SNX18: variants seen among roughly 807,000 people sequenced by gnomAD.
SNX18 encodes the protein sorting nexin-18.
In SNX18, 35 loss-of-function variants were observed where a neutral mutation model predicts 48.7. That is an observed-to-expected ratio of 0.72 (90% CI 0.55 to 0.95). The LOEUF is 0.95. Among genes scored for constraint, SNX18 ranks in the 40% least tolerant of loss-of-function variants. The pLI, the probability that SNX18 is intolerant of heterozygous loss-of-function variation, is 0.00. For synonymous variants in SNX18, 492 were observed against 384.7 expected (o/e 1.28, Z -3.26); for missense variants, 824 against 871.0 (o/e 0.95, Z 0.68).
At chr5:54,543,078 G>A in intron 1 of SNX18, 101 bp from the exon 2 acceptor site, 8 of 1,144,488 alleles carry the variant, frequency 7.0e-6, no homozygotes, top group Non-Finnish European at 9.6e-6. Flanking sequence ...AAATAGTTTG[G>A]GCAACTATTT....
At chr5:54,623,009 T>C in the SNX18 span, among the ~76,000 whole-genome samples, 1 of 152,236 alleles carries the variant, frequency 6.6e-6, no homozygotes, top group Admixed American at 6.5e-5. Flanking sequence ...ATTTCTTGAG[T>C]GTTCTTTCAT....
chr5:54,545,741 A>G lies in SNX18; in HGVS notation c.*2309A>G, dbSNP rs533417093. 7 of 152,314 alleles carry G rather than the reference A, an allele frequency of 4.6e-5. No individual in the cohort carries two copies. The highest frequency in any genetic ancestry group is 9.6e-5 in the African/African-American group (4 of 41,564). The allele number at this position is 152,314 out of a possible 1,614,324, so 9.4% of individuals were successfully genotyped here. The stretch of plus-strand genomic sequence containing the variant: ...TTTATTCTCTAACGTTCTTGGTCCT[A>G]TTGAAACATTGCAGTATGCAAAACT... On this transcript the variant is annotated 3_prime_UTR_variant, in exon 2 of 2. Transcript: ENST00000381410.
At chr5:54,596,240 A>G in the SNX18 span, among the ~76,000 whole-genome samples, 1 of 85,338 alleles carries the variant, frequency 1.2e-5, no homozygotes, top group African/African-American at 4.0e-5. Context: ...TTATGATGTT[A>G]TTTGAAAAAG....
chr5:54,521,237 C>A (rs564115155), intron 1 of SNX18, among the ~76,000 whole-genome samples: 2 of 152,308 alleles, frequency 1.3e-5, no homozygotes, highest in East Asian at 3.9e-4. Context: ...GACATGTGTG[C>A]TGGGCCGCTG....
At chr5:54,568,267 A>G in the SNX18 span, among the ~76,000 whole-genome samples, 2 of 152,202 alleles carry the variant, frequency 1.3e-5, no homozygotes, top group African/African-American at 2.4e-5. Flanking sequence ...CTCTGAAGGA[A>G]AAGGATGTGC....
chr5:54,646,625 C>CAT, the SNX18 span, among the ~76,000 whole-genome samples: 290 of 152,376 alleles, frequency 1.9e-3, 1 homozygote, highest in African/African-American at 6.6e-3. Flanking sequence ...AGGCCTCCCT[C>CAT]ATATTGCAAT....
At chr5:54,633,449 C>T in the SNX18 span, among the ~76,000 whole-genome samples, 1 of 152,092 alleles carries the variant, frequency 6.6e-6, no homozygotes, top group African/African-American at 2.4e-5. Context: ...TAAAAGTGTG[C>T]CTGGTTCTGT....
chr5:54,635,672 G>A, the SNX18 span, among the ~76,000 whole-genome samples: 2 of 152,228 alleles, frequency 1.3e-5, no homozygotes, highest in Non-Finnish European at 2.9e-5. Flanking sequence ...GGTCTCAGCA[G>A]AGATCTTTCA....
At chr5:54,547,657 G>A (rs577062875), downstream of SNX18, among the ~76,000 whole-genome samples, 4 of 152,310 alleles carry the variant, frequency 2.6e-5, no homozygotes, top group Admixed American at 1.3e-4. Context: ...GCAGTCTTAC[G>A]TAGACTGGGA....
At chr5:54,579,951 G>A in the SNX18 span, among the ~76,000 whole-genome samples, 34 of 152,132 alleles carry the variant, frequency 2.2e-4, no homozygotes, top group African/African-American at 8.0e-4. Context: ...TGCAATGTAT[G>A]TTTTTGCATT....
chr5:54,535,789 C>CA (rs1165779194), intron 1 of SNX18, among the ~76,000 whole-genome samples: 3 of 152,116 alleles, frequency 2.0e-5, no homozygotes, highest in Non-Finnish European at 4.4e-5. Flanking sequence ...TTATTAAAAA[C>CA]AAAAATTTGA....
At chr5:54,611,328 A>G in the SNX18 span, among the ~76,000 whole-genome samples, 1 of 152,024 alleles carries the variant, frequency 6.6e-6, no homozygotes, top group African/African-American at 2.4e-5. Flanking sequence ...CATGCCCAAG[A>G]TGGTCCTTTC....
the SNX18 span, among the ~76,000 whole-genome samples, chr5:54,635,525 C>T: frequency 1.3e-5 from 2 of 152,094 alleles, no homozygotes; most frequent in African/African-American, 2.4e-5. Context: ...TTTCTTCTTG[C>T]TGTTTGCCTT....
At chr5:54,542,246 G>T (rs1762485227) in intron 1 of SNX18, among the ~76,000 whole-genome samples, 1 of 152,158 alleles carries the variant, frequency 6.6e-6, no homozygotes, top group Admixed American at 6.5e-5. Flanking sequence ...GCTTTCGGGG[G>T]AGGGCCTGCG....
At chr5:54,570,703 C>T in the SNX18 span, among the ~76,000 whole-genome samples, 1 of 152,132 alleles carries the variant, frequency 6.6e-6, no homozygotes, top group Non-Finnish European at 1.5e-5. Context: ...AGTATCAGAA[C>T]ATACAAAGAC....
the SNX18 span, among the ~76,000 whole-genome samples, chr5:54,620,993 A>C: frequency 6.6e-6 from 1 of 152,216 alleles, no homozygotes; most frequent in East Asian, 1.9e-4. Flanking sequence ...ATTAGGGGTT[A>C]GGAAGGGGAA....
At chr5:54,527,089 A>G (rs1371175986) in intron 1 of SNX18, among the ~76,000 whole-genome samples, 2 of 152,106 alleles carry the variant, frequency 1.3e-5, no homozygotes, top group African/African-American at 4.8e-5. Flanking sequence ...GGTCATGGAA[A>G]GTCAGATTTG....
At chr5:54,564,851 G>A in the SNX18 span, among the ~76,000 whole-genome samples, 1 of 152,104 alleles carries the variant, frequency 6.6e-6, no homozygotes, top group Non-Finnish European at 1.5e-5. Context: ...GAGAGACTCC[G>A]TCTCAAAAAA....
At chr5:54,627,183 C>T in the SNX18 span, among the ~76,000 whole-genome samples, 24,599 of 152,132 alleles carry the variant, frequency 0.16, 2,532 homozygotes, top group African/African-American at 0.29. Flanking sequence ...CATCTACATC[C>T]TGATTTTAAC....
Sources: allele counts gnomAD v4.1 joint callset (sites outside exome capture counted in the v4.1 genomes callset), GRCh38; gene constraint gnomAD v4.1.1; transcripts MANE v1.5; gene names NCBI Gene and HGNC (gene_info 2026-07-23, HGNC 2026-07-21).